The following RGS7 variants were observed in gnomAD, a reference collection of about 807,000 sequenced individuals.
RGS7 encodes regulator of G protein signaling 7, also known as regulator of G-protein signaling 7.
Under a neutral mutation model 81.1 loss-of-function variants are expected in RGS7, and 27 were observed. That is an observed-to-expected ratio of 0.33 (90% confidence interval 0.25 to 0.46). RGS7 has a LOEUF of 0.46. Ranked by LOEUF, RGS7 falls within the 20% of genes least tolerant of loss-of-function variation. The probability of loss-of-function intolerance (pLI) is 1.00; values close to 1 mark genes in which losing one functional copy is unlikely to be tolerated. For missense variants in RGS7, 396 were observed against 607.4 expected, an observed-to-expected ratio of 0.65 and a Z score of 3.66; for synonymous variants, 208 against 207.7, an observed-to-expected ratio of 1.00 and a Z score of -0.01.
At chr1:240,829,833 G>C (rs1315274936) in intron 9 of RGS7, among the ~76,000 whole-genome samples, 3 of 152,074 alleles carry the variant, frequency 2.0e-5, no homozygotes, top group Non-Finnish European at 4.4e-5. Flanking sequence ...AAAGAGCCAA[G>C]TATGATAAGA....
chr1:241,320,466 C>T (rs1181529851), intron 2 of RGS7, among the ~76,000 whole-genome samples: 1 of 152,242 alleles, frequency 6.6e-6, no homozygotes, highest in East Asian at 1.9e-4. Flanking sequence ...GCAACTTTGA[C>T]ACTCCCATAA....
chr1:241,229,774 G>A (rs939798913), intron 2 of RGS7, among the ~76,000 whole-genome samples: 2 of 152,134 alleles, frequency 1.3e-5, no homozygotes, highest in Non-Finnish European at 2.9e-5. Flanking sequence ...GAAACTTCCG[G>A]GAAATGATCA....
Position 240,847,862 on chromosome 1 carries a change from C to T in RGS7, c.610-20690G>A, listed in dbSNP as rs182426067. Among the ~76,000 whole-genome samples the T allele has an allele frequency of 3.9e-5, 6 of 152,178 alleles. No homozygotes were observed. In the East Asian group the frequency reaches 9.7e-4, roughly 24 times the overall value. ...ATCCAATATCACATTAAGAAAATAA[C>T]ACGACATGACCAAGTAGGGTTTATT... On this transcript the variant is annotated intron_variant, in intron 9 of 18. Transcript: ENST00000440928.
intron 3 of RGS7, among the ~76,000 whole-genome samples, chr1:241,035,222 A>G (rs2060265466): frequency 6.6e-6 from 1 of 152,202 alleles, no homozygotes; most frequent in Non-Finnish European, 1.5e-5. Flanking sequence ...AAGCTCGAAA[A>G]TGCTCTGAAA....
intron 2 of RGS7, among the ~76,000 whole-genome samples, chr1:241,340,995 C>T (rs1030129205): frequency 1.3e-5 from 2 of 152,176 alleles, no homozygotes; most frequent in African/African-American, 2.4e-5. Context: ...ACCATCTAGG[C>T]AGCATTATTC....
intron 3 of RGS7, among the ~76,000 whole-genome samples, chr1:240,992,862 A>T (rs992196558): frequency 1.3e-5 from 2 of 149,036 alleles, no homozygotes; most frequent in East Asian, 3.9e-4. Flanking sequence ...AAAAAAAAAA[A>T]ATATTAGCCG....
chr1:241,046,340 G>C (rs1303513214), intron 3 of RGS7, among the ~76,000 whole-genome samples: 1 of 145,504 alleles, frequency 6.9e-6, no homozygotes, highest in South Asian at 2.2e-4. Flanking sequence ...AATGTCTGTT[G>C]TTCCCATCTT....
chr1:240,782,270 A>T (rs2102971889), intron 18 of RGS7, among the ~76,000 whole-genome samples: 1 of 152,340 alleles, frequency 6.6e-6, no homozygotes, highest in African/African-American at 2.4e-5. Context: ...GATCACTTCC[A>T]GGGAAGTACA....
intron 4 of RGS7, among the ~76,000 whole-genome samples, chr1:240,959,437 G>A (rs1206759930): frequency 1.3e-5 from 2 of 152,186 alleles, no homozygotes; most frequent in Non-Finnish European, 2.9e-5. Flanking sequence ...ACCGAATACT[G>A]TAGGCAACTG....
intron 2 of RGS7, among the ~76,000 whole-genome samples, chr1:241,291,157 A>C (rs2079067480): frequency 6.6e-6 from 1 of 152,250 alleles, no homozygotes; most frequent in Non-Finnish European, 1.5e-5. Flanking sequence ...ATACATTTTG[A>C]GAGCAGAATG....
chr1:240,876,587 A>G (rs1206187979), intron 6 of RGS7, among the ~76,000 whole-genome samples: 1 of 152,156 alleles, frequency 6.6e-6, no homozygotes, highest in East Asian at 1.9e-4. Context: ...AGAAGAGTGA[A>G]AGAGAGCTGC....
Position 240,919,635 on chromosome 1 carries a change from T to C in RGS7, c.385+11082A>G, listed in dbSNP as rs1572762931. 3 of 402,136 alleles carry C rather than the reference T, an allele frequency of 7.5e-6. No homozygotes were observed. In the East Asian group the frequency reaches 1.4e-4, roughly 18 times the overall value. 24.9% of individuals were successfully genotyped at this position (402,136 alleles called of 1,614,324 possible). On this transcript the variant is annotated intron_variant, in intron 6 of 18. Transcript: ENST00000440928. ...GCTAATATAGTACAAATGAAAAGTC[T>C]CTCTTCTCCCTGCCCTCATGCCTAA...
Position 241,144,826 on chromosome 1 carries a change from A to G in RGS7, c.79-46064T>C, listed in dbSNP as rs1047031633. Among the ~76,000 whole-genome samples the G allele has an allele frequency of 6.6e-6, 1 of 151,596 alleles. No individual in the cohort carries two copies. Among genetic ancestry groups the G allele is most frequent in the East Asian group, 1.9e-4 (1 of 5,180 alleles). The stretch of plus-strand genomic sequence containing the variant: ...AGGTTGCAGGAACATACAGAAGATC[A>G]TTTCTCCTCTTTCATTTTCTTGCTG... On this transcript the variant is annotated intron_variant, in intron 2 of 18. Transcript: ENST00000440928. The surrounding 1 kb of genome is among the most constrained non-coding windows in gnomAD (Gnocchi z 4.7).
intron 3 of RGS7, among the ~76,000 whole-genome samples, chr1:241,095,266 G>C (rs1262556838): frequency 6.6e-6 from 1 of 152,128 alleles, no homozygotes; most frequent in East Asian, 1.9e-4. Flanking sequence ...TAGTACATCT[G>C]GGGGTGGGTC....
chr1:241,046,590 G>A (rs921017247), intron 3 of RGS7, among the ~76,000 whole-genome samples: 17 of 152,222 alleles, frequency 1.1e-4, no homozygotes, highest in African/African-American at 3.6e-4. Flanking sequence ...TTCAACGGCC[G>A]ACACCTCCAT....
At chr1:240,838,054 C>G (rs1694994973) in intron 9 of RGS7, among the ~76,000 whole-genome samples, 1 of 152,200 alleles carries the variant, frequency 6.6e-6, no homozygotes, top group African/African-American at 2.4e-5. Flanking sequence ...GTGCATCTCC[C>G]TGTCTTAGTC....
chr1:241,350,526 C>T (rs567541492), intron 2 of RGS7, among the ~76,000 whole-genome samples: 9 of 152,168 alleles, frequency 5.9e-5, no homozygotes, highest in South Asian at 4.2e-4. Context: ...TTTTCTAGTG[C>T]GTCTTTGTCT....
At chr1:240,802,440 C>T (rs1342444) in intron 16 of RGS7, among the ~76,000 whole-genome samples, 6,557 of 152,108 alleles carry the variant, frequency 0.043, 149 homozygotes, top group East Asian at 0.11. Context: ...TAAAAATATT[C>T]GGAAGCAAAC....
chr1:241,309,994 G>T (rs886646557), intron 2 of RGS7, among the ~76,000 whole-genome samples: 4 of 152,138 alleles, frequency 2.6e-5, no homozygotes, highest in African/African-American at 9.7e-5. Context: ...AGTGGCATTG[G>T]AACACTATGG....
Sources: allele counts gnomAD v4.1 joint callset (sites outside exome capture counted in the v4.1 genomes callset), GRCh38; gene constraint gnomAD v4.1.1; non-coding constraint Gnocchi (gnomAD v3.1); transcripts MANE v1.5; gene names NCBI Gene and HGNC (gene_info 2026-07-23, HGNC 2026-07-21).